Variants in SCFD1 observed in about 807,000 individuals in gnomAD.
SCFD1 encodes the protein sec1 family domain containing 1.
A neutral mutation model predicts 103.2 loss-of-function variants in SCFD1; 37 were observed. The observed-to-expected ratio is 0.36, with a 90% confidence interval of 0.28 to 0.47. SCFD1 has a LOEUF of 0.47. Ranked by LOEUF, SCFD1 falls within the 20% of genes least tolerant of loss-of-function variation. The probability of loss-of-function intolerance (pLI) is 1.00; values close to 1 mark genes in which losing one functional copy is unlikely to be tolerated. For missense variants in SCFD1, 639 were observed against 761.2 expected, an observed-to-expected ratio of 0.84 and a Z score of 1.89; for synonymous variants, 264 against 245.0, an observed-to-expected ratio of 1.08 and a Z score of -0.73.
At position 30,719,885 on chromosome 14, in the gene SCFD1, A is replaced by G. The variant is rs553037467; in HGVS notation, c.1736+508A>G. On this transcript the variant is annotated intron_variant, in intron 21 of 24. Transcript: ENST00000458591. ...ATGGTAAGATATCCTTATGGATATT[A>G]TTTTTCATGATTTAATTAGCGGTGG... 3.5e-5 allele frequency among the ~76,000 whole-genome samples: 5 copies of G among 142,688 alleles called. No individual in the cohort carries two copies. The South Asian group carries it at 8.6e-4, about 25-fold the overall frequency. 93.6% of individuals were successfully genotyped at this position (142,688 alleles called of 152,430 possible). A position where few individuals can be genotyped will look rare whatever the true frequency, so the allele number is the denominator to read the frequency against.
In SCFD1 at chr14:30,726,918, A is replaced by T. The variant is rs145684205; in HGVS notation, c.1836+4359A>T. Among the ~76,000 whole-genome samples, 402 of 152,280 alleles carry T rather than the reference A, an allele frequency of 2.6e-3. 3 individuals carry two copies. Among genetic ancestry groups the T allele is most frequent in the African/African-American group, 8.3e-3 (343 of 41,564 alleles). On this transcript the variant is annotated intron_variant, in intron 23 of 24. Transcript: ENST00000458591. ...GCCCAAATTGGTTTAACCATTAAATAAGTTGTTGCCATTGAGTTTTTATTG... is the reference window on the plus strand; with the variant it reads ...GCCCAAATTGGTTTAACCATTAAATTAGTTGTTGCCATTGAGTTTTTATTG...
chr14:30,712,805 CAAT>C (rs1162129954), intron 19 of SCFD1, among the ~76,000 whole-genome samples: 2 of 151,972 alleles, frequency 1.3e-5, no homozygotes, highest in Admixed American at 6.6e-5. Flanking sequence ...GCTAACTATA[CAAT>C]AATGTTTTCC....
At chr14:30,636,754 T>A (rs1181531929) in intron 4 of SCFD1, among the ~76,000 whole-genome samples, 1 of 152,128 alleles carries the variant, frequency 6.6e-6, no homozygotes, top group East Asian at 1.9e-4. Flanking sequence ...GTGCTTCTTT[T>A]GTTAAATTTA....
At chr14:30,634,596 T>C (rs1884522749) in intron 4 of SCFD1, among the ~76,000 whole-genome samples, 1 of 152,192 alleles carries the variant, frequency 6.6e-6, no homozygotes, top group African/African-American at 2.4e-5. Flanking sequence ...TGAGTCTGGC[T>C]TTAACAAACA....
At chr14:30,720,573 G>A (rs1478285312) in intron 21 of SCFD1, among the ~76,000 whole-genome samples, 2 of 152,072 alleles carry the variant, frequency 1.3e-5, no homozygotes, top group Non-Finnish European at 1.5e-5. Context: ...GGGGAAAAAC[G>A]GATGGTTGAA....
chr14:30,695,432 C>G (rs964274832), intron 15 of SCFD1, among the ~76,000 whole-genome samples: 1 of 152,110 alleles, frequency 6.6e-6, no homozygotes, highest in Non-Finnish European at 1.5e-5. Flanking sequence ...ACAAGTATCA[C>G]ATGTTCTCAC....
intron 13 of SCFD1, among the ~76,000 whole-genome samples, chr14:30,674,562 C>T (rs1198779240): frequency 2.0e-5 from 3 of 151,974 alleles, no homozygotes; most frequent in African/African-American, 4.8e-5. Context: ...GCAGGAGAAT[C>T]GCTTGAACCT....
chr14:30,632,903 C>G (rs942427694), intron 3 of SCFD1, among the ~76,000 whole-genome samples: 1 of 152,210 alleles, frequency 6.6e-6, no homozygotes, highest in Non-Finnish European at 1.5e-5. Flanking sequence ...GTCTCGTAAT[C>G]TCTGCCTAAC....
intron 19 of SCFD1, among the ~76,000 whole-genome samples, chr14:30,712,595 TGACTAAAATCATAAAACAC>T: frequency 6.6e-6 from 1 of 152,322 alleles, no homozygotes; most frequent in East Asian, 1.9e-4. Context: ...GCTTTTCCGG[TGACTAAAATCATAAAACAC>T]GACTAAAGTC....
chr14:30,692,849 C>G (rs143277783), intron 14 of SCFD1, among the ~76,000 whole-genome samples: 1 of 152,108 alleles, frequency 6.6e-6, no homozygotes, highest in Admixed American at 6.6e-5. Flanking sequence ...TTGTCATTCC[C>G]CAAAGTTTTC....
intron 19 of SCFD1, among the ~76,000 whole-genome samples, chr14:30,711,435 C>CCAT (rs1253870167): frequency 2.6e-5 from 4 of 152,126 alleles, no homozygotes; most frequent in African/African-American, 9.7e-5. Flanking sequence ...TGGCAAAAGT[C>CCAT]CATCTATCTC....
Position 30,735,739 on chromosome 14 carries a change from A to C in SCFD1, c.*130A>C. ...CAGTGAAAATCAGAGTTATTTGTTA[A>C]TTTTTAAGGAAATTATATACTTAAT... On this transcript the variant is annotated 3_prime_UTR_variant, in exon 25 of 25. Coordinates refer to ENST00000458591, the MANE Select transcript of SCFD1 (RefSeq NM_016106.4). The C allele has an allele frequency of 3.2e-6, 2 of 629,314 alleles. No homozygotes were observed. Among genetic ancestry groups the C allele is most frequent in the Non-Finnish European group, 5.5e-6 (2 of 364,876 alleles). 39.0% of individuals were successfully genotyped at this position (629,314 alleles called of 1,614,324 possible).
intron 5 of SCFD1, among the ~76,000 whole-genome samples, chr14:30,638,580 T>C (rs1025267749): frequency 6.6e-6 from 1 of 152,208 alleles, no homozygotes; most frequent in Admixed American, 6.5e-5. Context: ...GTATTGAAAG[T>C]ATGTTGACAT....
chr14:30,667,917 G>A (rs1206127370), intron 10 of SCFD1, among the ~76,000 whole-genome samples: 1 of 152,172 alleles, frequency 6.6e-6, no homozygotes, highest in Non-Finnish European at 1.5e-5. Flanking sequence ...ACAAACAAAT[G>A]GAAGAACATT....
chr14:30,692,510 T>C (rs1167938953), intron 14 of SCFD1, among the ~76,000 whole-genome samples: 1 of 152,132 alleles, frequency 6.6e-6, no homozygotes, highest in African/African-American at 2.4e-5. Flanking sequence ...AAGGTAGACG[T>C]TGAATGAGTA....
At chr14:30,685,057 G>A (rs1269210615) in intron 14 of SCFD1, among the ~76,000 whole-genome samples, 5 of 49,886 alleles carry the variant, frequency 1.0e-4, no homozygotes, top group Admixed American at 2.4e-4. Flanking sequence ...GAGAATATGC[G>A]GTGTTTGGTT....
At chr14:30,637,276 G>A (rs192157406) in intron 4 of SCFD1, among the ~76,000 whole-genome samples, 5 of 152,124 alleles carry the variant, frequency 3.3e-5, no homozygotes, top group Admixed American at 2.0e-4. Flanking sequence ...TCACTCTAGC[G>A]TTTCCCTTTT....
intron 1 of SCFD1, among the ~76,000 whole-genome samples, chr14:30,624,472 T>C (rs985921994): frequency 2.6e-5 from 4 of 152,316 alleles, no homozygotes; most frequent in African/African-American, 9.6e-5. Flanking sequence ...GTCAAAAACC[T>C]TGAAGTTTTC....
intron 11 of SCFD1, 104 bp downstream of exon 11, chr14:30,670,499 T>A: frequency 1.4e-6 from 1 of 733,118 alleles, no homozygotes; most frequent in Non-Finnish European, 2.2e-6. Flanking sequence ...GTAGGTTCGT[T>A]CACCCAATGA....
Sources: gnomAD v4.1 joint callset for allele counts (sites outside exome capture counted in the v4.1 genomes callset) on GRCh38, gnomAD v4.1.1 for gene constraint, MANE v1.5 for transcripts, NCBI Gene and HGNC (gene_info 2026-07-23, HGNC 2026-07-21) for gene names.